Variants in DYRK1A observed in about 807,000 individuals in gnomAD.
DYRK1A encodes dual specificity tyrosine-phosphorylation-regulated kinase 1A.
Under a neutral mutation model 79.7 loss-of-function variants are expected in DYRK1A, and 9 were observed. The ratio of observed to expected loss-of-function variants is 0.11; its 90% CI spans 0.07 to 0.20. The LOEUF (loss-of-function observed/expected upper bound fraction) is 0.20. DYRK1A is among the 10% of genes least tolerant of loss of function. The probability of loss-of-function intolerance (pLI) is 1.00; values close to 1 mark genes in which losing one functional copy is unlikely to be tolerated. For missense variants in DYRK1A, 622 were observed against 956.0 expected (o/e 0.65, Z 4.61); for synonymous variants, 349 against 329.7 (o/e 1.06, Z -0.63).
At chr21:37,447,045 A>G (rs1040454693) in intron 2 of DYRK1A, among the ~76,000 whole-genome samples, 9 of 152,182 alleles carry the variant, frequency 5.9e-5, no homozygotes, top group African/African-American at 2.2e-4. Flanking sequence ...GGCACTTAAC[A>G]TCTGATTACA....
intron 1 of DYRK1A, among the ~76,000 whole-genome samples, chr21:37,369,203 ATT>A (rs568741004): frequency 6.5e-4 from 99 of 152,108 alleles, no homozygotes; most frequent in African/African-American, 2.3e-3. Flanking sequence ...TAGCATTTTG[ATT>A]TTGAGGTGTT....
chr21:37,502,103 T>C (rs893538712), intron 9 of DYRK1A: 6 of 152,182 alleles, frequency 3.9e-5, no homozygotes, highest in East Asian at 1.9e-4. Context: ...ATGAAAGATA[T>C]GAAGAAAAAT....
chr21:37,441,901 C>T lies in DYRK1A; in HGVS notation c.10+21517C>T, dbSNP rs76829611. 0.016 allele frequency among the ~76,000 whole-genome samples: 2,389 copies of T among 149,578 alleles called. 146 individuals carry two copies. The East Asian group carries it at 0.2, about 13-fold the overall frequency. On this transcript the variant is annotated intron_variant, in intron 2 of 11. Coordinates refer to ENST00000647188, the MANE Select transcript of DYRK1A (RefSeq NM_001347721.2). Reference sequence around the variant, plus strand: ...ATTTCTATTAACATTTTTTGTAGTGCGTATTTACTAATGATGTATTCTTTC... The same window carrying T: ...ATTTCTATTAACATTTTTTGTAGTGTGTATTTACTAATGATGTATTCTTTC...
intron 9 of DYRK1A, among the ~76,000 whole-genome samples, chr21:37,499,098 A>G (rs1052549288): frequency 3.3e-5 from 5 of 152,192 alleles, no homozygotes; most frequent in Admixed American, 2.6e-4. Flanking sequence ...TCTTTTGATG[A>G]ATAGGGAGTT....
At position 37,478,457 on chromosome 21, in the gene DYRK1A, G is replaced by A. The variant is rs10211972; in HGVS notation, c.300+157G>A. 0.042 allele frequency among the ~76,000 whole-genome samples: 6,377 copies of A among 152,194 alleles called. 175 individuals carry two copies. Among genetic ancestry groups the A allele is most frequent in the Middle Eastern group, 0.092 (27 of 294 alleles). The stretch of plus-strand genomic sequence containing the variant: ...GATTTAGAAATAATATTACAATTAT[G>A]TAAAAGATATATTAACAAGGACTGC... On this transcript the variant is annotated intron_variant, in intron 4 of 11. Transcript: ENST00000647188.
Position 37,523,151 on chromosome 21 carries a change from T to A in DYRK1A, c.*10620T>A, listed in dbSNP as rs1243612926. ...ACCTCTGGGACTCAGGCGATCCTCC[T>A]GCCTCAGCCTCCCAAGTAGCTGGGA... On this transcript the variant is annotated 3_prime_UTR_variant, in exon 12 of 12. Coordinates refer to ENST00000647188, the MANE Select transcript of DYRK1A (RefSeq NM_001347721.2). 6.6e-6 allele frequency: 1 copy of A among 152,582 alleles called. No individual in the cohort carries two copies. Among genetic ancestry groups the A allele is most frequent in the Non-Finnish European group, 1.5e-5 (1 of 68,358 alleles). The allele number at this position is 152,582 out of a possible 1,614,324, so 9.5% of individuals were successfully genotyped here. A position where few individuals can be genotyped will look rare whatever the true frequency, so the allele number is the denominator to read the frequency against.
Position 37,420,322 on chromosome 21 carries a change from C to T in DYRK1A, c.-53C>T, listed in dbSNP as rs2050440765. On this transcript the variant is annotated 5_prime_UTR_variant, in exon 2 of 12. Coordinates refer to ENST00000647188, the MANE Select transcript of DYRK1A (RefSeq NM_001347721.2). ...AGTGTTATAGTTTTGCCGCTGGACT[C>T]TTCCCTCCCTTCCCCCACCCCATCA... is the stretch of plus-strand genomic sequence containing the variant. 2 of 1,586,166 alleles carry T rather than the reference C, an allele frequency of 1.3e-6. No individual in the cohort carries two copies. The highest frequency in any genetic ancestry group is 1.7e-6 in the Non-Finnish European group (2 of 1,156,808).
chr21:37,402,259 C>G (rs2050066901), intron 1 of DYRK1A, among the ~76,000 whole-genome samples: 3 of 152,340 alleles, frequency 2.0e-5, no homozygotes, highest in Admixed American at 6.5e-5. Flanking sequence ...TCTTAACACT[C>G]TTCGGCATTT....
At chr21:37,382,909 A>C (rs749548002) in intron 1 of DYRK1A, among the ~76,000 whole-genome samples, 1 of 152,226 alleles carries the variant, frequency 6.6e-6, no homozygotes, top group Non-Finnish European at 1.5e-5. Flanking sequence ...AAGTTCTGGC[A>C]TGCTGGGATT....
intron 6 of DYRK1A, among the ~76,000 whole-genome samples, chr21:37,489,399 G>T (rs2052996306): frequency 6.6e-6 from 1 of 152,118 alleles, no homozygotes; most frequent in South Asian, 2.1e-4. Flanking sequence ...AATTTAGTGA[G>T]TATTCAGCCT....
chr21:37,436,736 A>G (rs1478041570), intron 2 of DYRK1A, among the ~76,000 whole-genome samples: 2 of 152,206 alleles, frequency 1.3e-5, no homozygotes, highest in Admixed American at 1.3e-4. Flanking sequence ...ATTAAACCAT[A>G]ACATTTGATT....
chr21:37,525,752 C>G lies in DYRK1A; in HGVS notation c.*13221C>G, dbSNP rs118020020. On this transcript the variant is annotated 3_prime_UTR_variant, in exon 12 of 12. Transcript: ENST00000647188. Reference sequence around the variant, plus strand: ...CTTGTGGACTTCACTATCAACAGCTCTCATGAATTTTTGTCAGAAATATTA... The same window carrying G: ...CTTGTGGACTTCACTATCAACAGCTGTCATGAATTTTTGTCAGAAATATTA... 10 of 152,158 alleles carry G rather than the reference C, an allele frequency of 6.6e-5. No homozygotes were observed. Among genetic ancestry groups the G allele is most frequent in the African/African-American group, 2.4e-4 (10 of 41,432 alleles). The allele number at this position is 152,158 out of a possible 1,614,324, so 9.4% of individuals were successfully genotyped here.
Position 37,420,420 on chromosome 21 carries a change from T to C in DYRK1A, c.10+36T>C, listed in dbSNP as rs1343912190. On this transcript the variant is annotated intron_variant, in intron 2 of 11. Transcript: ENST00000647188. ...TTTTGAAATACAGTAAAACTCTGGC[T>C]AAGAGAATGTGGGAATCGATGGTCT... 3 of 1,607,250 alleles carry C rather than the reference T, an allele frequency of 1.9e-6. No individual in the cohort carries two copies. In the African/African-American group the frequency reaches 4.0e-5, roughly 22 times the overall value.
intron 6 of DYRK1A, among the ~76,000 whole-genome samples, chr21:37,489,083 C>T (rs574644955): frequency 2.0e-5 from 3 of 152,080 alleles, no homozygotes; most frequent in Non-Finnish European, 4.4e-5. Context: ...TATTGATGTT[C>T]ACTGCTTTGA....
In DYRK1A at chr21:37,525,747, C is replaced by T. The variant is rs2148679936; in HGVS notation, c.*13216C>T. The T allele has an allele frequency of 1.3e-5, 2 of 152,348 alleles. No individual in the cohort carries two copies. The highest frequency in any genetic ancestry group is 4.8e-5 in the African/African-American group (2 of 41,590). The allele number at this position is 152,348 out of a possible 1,614,324, so 9.4% of individuals were successfully genotyped here. On this transcript the variant is annotated 3_prime_UTR_variant, in exon 12 of 12. Coordinates refer to ENST00000647188, the MANE Select transcript of DYRK1A (RefSeq NM_001347721.2). ...TAGCTCTTGTGGACTTCACTATCAA[C>T]AGCTCTCATGAATTTTTGTCAGAAA...
chr21:37,476,222 A>C (rs2052388107), intron 3 of DYRK1A, among the ~76,000 whole-genome samples: 1 of 152,158 alleles, frequency 6.6e-6, no homozygotes, highest in Non-Finnish European at 1.5e-5. Context: ...CAAGTTCTTT[A>C]ACGTTGGAGA....
intron 1 of DYRK1A, among the ~76,000 whole-genome samples, chr21:37,374,013 A>G (rs969167287): frequency 1.3e-5 from 2 of 152,238 alleles, no homozygotes; most frequent in Non-Finnish European, 2.9e-5. Context: ...TATGCAAAAT[A>G]TAAGTAAGTG....
chr21:37,501,687 A>G (rs2053456643), intron 9 of DYRK1A: 1 of 152,148 alleles, frequency 6.6e-6, no homozygotes, highest in African/African-American at 2.4e-5. Context: ...GTCTTTGTGA[A>G]TGTTTTATGT....
At chr21:37,462,723 A>T (rs1301828162) in intron 2 of DYRK1A, among the ~76,000 whole-genome samples, 1 of 152,118 alleles carries the variant, frequency 6.6e-6, no homozygotes, top group African/African-American at 2.4e-5. Context: ...TCTGCAGCAC[A>T]GTGAGATTGC....
Sources: gnomAD v4.1 joint callset for allele counts (sites outside exome capture counted in the v4.1 genomes callset) on GRCh38, gnomAD v4.1.1 for gene constraint, MANE v1.5 for transcripts, NCBI Gene and HGNC (gene_info 2026-07-23, HGNC 2026-07-21) for gene names.